PKD1L1: variants seen among roughly 807,000 people sequenced by gnomAD.
PKD1L1 encodes polycystin-1-like protein 1.
PKD1L1 carries 236 observed loss-of-function variants against 323.4 expected under a neutral mutation model. The ratio of observed to expected loss-of-function variants is 0.73; its 90% CI spans 0.66 to 0.81. The LOEUF is 0.81. Ranked by LOEUF, PKD1L1 falls within the 40% of genes least tolerant of loss-of-function variation. PKD1L1 has a pLI of 0.00. For missense variants in PKD1L1, 3,320 were observed against 3,508.0 expected (o/e 0.95, Z 1.35); for synonymous variants, 1,344 against 1,335.0 (o/e 1.01, Z -0.15).
chr7:47,873,444 C>T (rs539986645), intron 24 of PKD1L1, among the ~76,000 whole-genome samples: 2 of 151,914 alleles, frequency 1.3e-5, no homozygotes, highest in Admixed American at 6.6e-5. Flanking sequence ...GTCAGGAGTT[C>T]GAGACCAGCC....
At chr7:47,901,114 T>A (rs1787077327) in intron 13 of PKD1L1, among the ~76,000 whole-genome samples, 1 of 151,792 alleles carries the variant, frequency 6.6e-6, no homozygotes, top group Non-Finnish European at 1.5e-5. Context: ...CCAAGGCAGG[T>A]GGATCAATTG....
At position 47,800,661 on chromosome 7, in the gene PKD1L1, C is replaced by G. The variant is rs1399415026; in HGVS notation, c.8181G>C (p.Leu2727=). The G allele has an allele frequency of 6.2e-7, 1 of 1,614,048 alleles. No individual in the cohort carries two copies. The highest frequency in any genetic ancestry group is 8.5e-7 in the Non-Finnish European group (1 of 1,179,914). Residue 2727 remains leucine, a synonymous_variant, in exon 54 of 57, where the codon CTG becomes CTC. Coordinates refer to ENST00000289672, the MANE Select transcript of PKD1L1 (RefSeq NM_138295.5). The stretch of plus-strand genomic sequence containing the variant: ...TGTGTTTACTTACCATTCCAAAACA[C>G]AGTGTGGCAGAGACTATTAAAAGGA... The part of the protein sequence containing the change: ...FGILLIVSAT[L]CFGMLRGFLM...
rs1304404221 is a variant in PKD1L1, at chr7:47,854,910, T to C, written c.4831A>G (p.Arg1611Gly). 3 of 1,614,134 alleles carry C rather than the reference T, an allele frequency of 1.9e-6. No homozygotes were observed. The highest frequency in any genetic ancestry group is 3.3e-5 in the Admixed American group (2 of 60,016). ...IEIEFSKPVT[R>G]AFPVMLLVRF... is the part of the protein sequence containing the mutation. Reference sequence around the variant, plus strand: ...ACTAGCAACATGACGGGAAATGCCCTTGTAACAGGTTTGGAAAATTCAATT... The same window carrying C: ...ACTAGCAACATGACGGGAAATGCCCCTGTAACAGGTTTGGAAAATTCAATT... Residue 1611 changes from arginine to glycine, a missense_variant, in exon 30 of 57, where the codon AGG becomes GGG. Physicochemically the swap from Arg to Gly is moderately radical, Grantham distance 125. Transcript: ENST00000289672.
At chr7:47,838,056 T>C (rs1336700031) in intron 36 of PKD1L1, among the ~76,000 whole-genome samples, 2 of 152,222 alleles carry the variant, frequency 1.3e-5, no homozygotes. Flanking sequence ...TCTCCCGTTG[T>C]TAACTATGGT....
chr7:47,806,376 T>A (rs1784777733), intron 52 of PKD1L1, among the ~76,000 whole-genome samples: 1 of 151,998 alleles, frequency 6.6e-6, no homozygotes, highest in Non-Finnish European at 1.5e-5. Context: ...GGCAAGGGAG[T>A]GTCAGGCATG....
chr7:47,894,034 T>C lies in PKD1L1; in HGVS notation c.2297A>G (p.Tyr766Cys). Reference protein sequence around the residue: ...AKVQIEGSVVYSNYCVGLEVR... With the variant: ...AKVQIEGSVVCSNYCVGLEVR... ...CTCCAGGCCCACACAGTAGTTGCTG[T>C]ACACCACACTGCCTTCAATCTGAAC... is the stretch of plus-strand genomic sequence containing the variant. The change falls in exon 15 of 57, where the codon TAC (tyrosine) becomes TGC (cysteine). Residue 766 changes from tyrosine (Y) to cysteine (C), a missense_variant. Physicochemically the swap from Tyr to Cys is radical, Grantham distance 194 (BLOSUM62 -2). Transcript: ENST00000289672. The C allele has an allele frequency of 1.3e-6, 2 of 1,587,396 alleles. No individual in the cohort carries two copies. Among genetic ancestry groups the C allele is most frequent in the South Asian group, 2.3e-5 (2 of 86,532 alleles).
intron 56 of PKD1L1, among the ~76,000 whole-genome samples, chr7:47,785,768 G>A (rs1786792380): frequency 6.8e-6 from 1 of 148,014 alleles, no homozygotes; most frequent in Admixed American, 6.9e-5. Context: ...TTGAGACAGA[G>A]TCTCACTCTG....
At chr7:47,800,531 T>C (rs1784637053) in intron 54 of PKD1L1, 118 bp downstream of exon 54, 3 of 1,050,066 alleles carry the variant, frequency 2.9e-6, no homozygotes, top group Non-Finnish European at 2.8e-6. Context: ...CAGGGATTCA[T>C]TACCATGAGA....
intron 40 of PKD1L1, among the ~76,000 whole-genome samples, 183 bp downstream of exon 40, chr7:47,834,156 C>T (rs1583606242): frequency 2.0e-5 from 3 of 152,212 alleles, no homozygotes. Context: ...AACGGGACCT[C>T]CCTCTAGGGA....
chr7:47,783,700 T>G (rs7797545), intron 56 of PKD1L1, among the ~76,000 whole-genome samples: 77,683 of 152,010 alleles, frequency 0.51, 20,153 homozygotes, highest in East Asian at 0.78. Context: ...GCTGGAGAGA[T>G]GCCTGGAACA....
intron 3 of PKD1L1, among the ~76,000 whole-genome samples, chr7:47,937,489 C>T (rs1301567515): frequency 6.6e-6 from 1 of 152,068 alleles, no homozygotes; most frequent in Non-Finnish European, 1.5e-5. Context: ...TGGGGTCAGA[C>T]TCAGGAAGTG....
intron 31 of PKD1L1, among the ~76,000 whole-genome samples, chr7:47,848,116 G>C (rs564563368): frequency 1.3e-5 from 2 of 152,220 alleles, no homozygotes; most frequent in South Asian, 4.1e-4. Context: ...CAAAGACGTG[G>C]GAAAACAGGC....
At chr7:47,948,695 T>C (rs890920406), upstream of PKD1L1, among the ~76,000 whole-genome samples, 3 of 152,172 alleles carry the variant, frequency 2.0e-5, no homozygotes, top group East Asian at 1.9e-4. Flanking sequence ...TGGTGGCTCA[T>C]GTCTGTAATC....
At chr7:47,913,946 AT>A (rs1787375717) in intron 8 of PKD1L1, among the ~76,000 whole-genome samples, 1 of 152,234 alleles carries the variant, frequency 6.6e-6, no homozygotes, top group African/African-American at 2.4e-5. Context: ...CTCATTAGTA[AT>A]TGCTGGAAAT....
chr7:47,854,832 G>A, intron 30 of PKD1L1, 50 bp downstream of exon 30: 3 of 1,573,356 alleles, frequency 1.9e-6, no homozygotes, highest in Non-Finnish European at 2.6e-6. Context: ...ACATTCTTAA[G>A]GACAATATGT....
At position 47,851,164 on chromosome 7, in the gene PKD1L1, T is replaced by C. The variant is rs80191156; in HGVS notation, c.4960+1963A>G. On this transcript the variant is annotated intron_variant, in intron 31 of 56. Transcript: ENST00000289672. ...GAGCAAATGTGATGCGCAGTTCTTG[T>C]GTTCTAATGTCATTTCCCATCAATG... Among the ~76,000 whole-genome samples the C allele has an allele frequency of 2.9e-3, 438 of 152,314 alleles. 8 individuals are homozygous for C. Among genetic ancestry groups the C allele is most frequent in the Admixed American group, 0.021 (315 of 15,296 alleles).
chr7:47,812,025 C>A lies in PKD1L1; in HGVS notation c.7373G>T (p.Arg2458Leu). ...TRTEAHTALS[R>L]LRASMWIDRS... ...GTCAATCCACATGCTGGCCCTGAGT[C>A]GGGACAGGGCTGTGTGGGCTTCAGT... The change falls in exon 50 of 57, where the codon CGA becomes CTA. Residue 2458 changes from arginine (R) to leucine (L), a missense_variant. Arg to Leu is a moderately radical substitution (Grantham distance 102, BLOSUM62 -2). Transcript: ENST00000289672. 1 of 1,570,066 alleles carries A rather than the reference C, an allele frequency of 6.4e-7. No homozygotes were observed.
chr7:47,925,499 G>A (rs1203063173), intron 7 of PKD1L1, among the ~76,000 whole-genome samples: 1 of 152,146 alleles, frequency 6.6e-6, no homozygotes, highest in Admixed American at 6.5e-5. Context: ...TTAAACATTT[G>A]TAAATGAAAA....
chr7:47,813,361 T>C, intron 48 of PKD1L1, 68 bp from the exon 49 acceptor site: 1 of 1,548,364 alleles, frequency 6.5e-7, no homozygotes, highest in South Asian at 1.2e-5. Context: ...ATCCGGGGTC[T>C]CCAGGCCTGG....
Sources: gnomAD v4.1 joint callset for allele counts (sites outside exome capture counted in the v4.1 genomes callset) on GRCh38, gnomAD v4.1.1 for gene constraint, MANE v1.5 for transcripts, NCBI Gene and HGNC (gene_info 2026-07-23, HGNC 2026-07-21) for gene names.